Variants in EIF3B observed in about 807,000 individuals in gnomAD.
EIF3B encodes eukaryotic translation initiation factor 3 subunit 9.
A neutral mutation model predicts 104.6 loss-of-function variants in EIF3B; 10 were observed. The observed-to-expected ratio is 0.10, with a 90% confidence interval of 0.06 to 0.16. EIF3B has a LOEUF of 0.16. Ranked by LOEUF, EIF3B falls within the 10% of genes least tolerant of loss-of-function variation. The pLI, the probability that EIF3B is intolerant of heterozygous loss-of-function variation, is 1.00. For synonymous variants in EIF3B, 542 were observed against 417.2 expected (o/e 1.30, Z -3.65); for missense variants, 1,014 against 1,087.9 (o/e 0.93, Z 0.96).
chr7:2,356,493 C>T (rs547339575), intron 1 of EIF3B, among the ~76,000 whole-genome samples: 6 of 151,644 alleles, frequency 4.0e-5, no homozygotes, highest in African/African-American at 1.5e-4. Context: ...TTCCCAGCTA[C>T]TCTGGAGGCT....
intron 15 of EIF3B, 128 bp downstream of exon 15, chr7:2,377,203 T>C (rs1780683153): frequency 1.6e-6 from 2 of 1,268,674 alleles, no homozygotes; most frequent in Non-Finnish European, 2.1e-6. Context: ...GCAAGGATTC[T>C]TTGAAGAGAC....
intron 11 of EIF3B, chr7:2,372,168 T>A: frequency 3.0e-6 from 1 of 338,144 alleles, no homozygotes; most frequent in East Asian, 5.6e-5. Flanking sequence ...ATTGCGCCCC[T>A]GCACTCCAGC....
At chr7:2,362,878 C>G in intron 3 of EIF3B, 114 bp downstream of exon 3, 1 of 1,520,462 alleles carries the variant, frequency 6.6e-7, no homozygotes, top group South Asian at 1.2e-5. Context: ...CACATCCTTT[C>G]TGGTCAGGCT....
intron 10 of EIF3B, 28 bp from the exon 11 acceptor site, chr7:2,371,749 T>A: frequency 1.3e-6 from 2 of 1,549,192 alleles, no homozygotes; most frequent in Non-Finnish European, 1.8e-6. Flanking sequence ...GTCCAGAATG[T>A]CACCCCTTCC....
intron 15 of EIF3B, among the ~76,000 whole-genome samples, chr7:2,377,449 C>T (rs1780695349): frequency 6.6e-6 from 1 of 152,134 alleles, no homozygotes; most frequent in Non-Finnish European, 1.5e-5. Flanking sequence ...GGGAGAAAGT[C>T]CGTCTCAAAG....
At chr7:2,376,664 G>C in intron 14 of EIF3B, 1 of 385,398 alleles carries the variant, frequency 2.6e-6, no homozygotes, top group Non-Finnish European at 4.7e-6. Flanking sequence ...TAGTGAGGCA[G>C]TTAGCTTACA....
At chr7:2,375,183 G>A in intron 13 of EIF3B, 1 of 552,386 alleles carries the variant, frequency 1.8e-6, no homozygotes. Flanking sequence ...ATAATATGAT[G>A]GCAGTCATAT....
At chr7:2,380,168 T>C in intron 18 of EIF3B, 36 bp from the exon 19 acceptor site, 2 of 338,740 alleles carry the variant, frequency 5.9e-6, no homozygotes, top group South Asian at 4.4e-5. Flanking sequence ...CCTTTTGAGG[T>C]GGTGCCGTTT....
At chr7:2,376,588 C>G in intron 14 of EIF3B, 2 of 218,024 alleles carry the variant, frequency 9.2e-6, no homozygotes, top group South Asian at 1.5e-4. Context: ...TAGTGCTATG[C>G]AGTTAGCTTA....
chr7:2,373,232 T>A (rs376757563), intron 12 of EIF3B: 1 of 154,040 alleles, frequency 6.5e-6, no homozygotes, highest in South Asian at 2.0e-4. Flanking sequence ...GGTGCCACAC[T>A]GCACCCACCT....
At chr7:2,377,715 G>T (rs966445789) in intron 15 of EIF3B, 114 of 98,736 alleles carry the variant, frequency 1.2e-3, no homozygotes, top group Non-Finnish European at 1.8e-3. Flanking sequence ...GAATGACCCT[G>T]GGTGTCATGG....
chr7:2,364,495 G>A lies in EIF3B; in HGVS notation c.1123G>A (p.Gly375Arg), dbSNP rs1255777026. 10 of 1,613,026 alleles carry A rather than the reference G, an allele frequency of 6.2e-6. No individual in the cohort carries two copies. The Admixed American group carries it at 6.7e-5, about 11-fold the overall frequency. ...FKQIQRFSHQ[G>R]VQLIDFSPCE... ...GCAAATTCAGAGATTCAGCCACCAA[G>A]GGGTTCAGCTTATTGACTTCTCACC... The change falls in exon 6 of 19, where the codon GGG becomes AGG. Residue 375 changes from glycine to arginine, a missense_variant. Physicochemically the swap from Gly to Arg is moderately radical, Grantham distance 125 (BLOSUM62 -2). Coordinates refer to ENST00000360876, the MANE Select transcript of EIF3B (RefSeq NM_001037283.2).
At chr7:2,376,748 G>A (rs1485623220) in intron 14 of EIF3B, 11 of 638,822 alleles carry the variant, frequency 1.7e-5, no homozygotes, top group Admixed American at 1.0e-4. Context: ...CAGCTGCTCC[G>A]TGCCCCGCAC....
Position 2,355,429 on chromosome 7 carries a change from G to A in EIF3B, c.499+9G>A, listed in dbSNP as rs1455123506. The A allele has an allele frequency of 4.9e-6, 7 of 1,434,122 alleles. No homozygotes were observed. Among genetic ancestry groups the A allele is most frequent in the South Asian group, 1.4e-5 (1 of 71,550 alleles). The allele number at this position is 1,434,122 out of a possible 1,614,324, so 88.8% of individuals were successfully genotyped here. On this transcript the variant is annotated intron_variant, in intron 1 of 18. Transcript: ENST00000360876. ...CGACGTGAGCGAGGAAGGTGAGGGCGCCCGGGGCGGGGCTGGCGAGCGGCG... is the reference window on the plus strand; with the variant it reads ...CGACGTGAGCGAGGAAGGTGAGGGCACCCGGGGCGGGGCTGGCGAGCGGCG...
chr7:2,360,580 T>G (rs1271950770), intron 1 of EIF3B, 130 bp from the exon 2 acceptor site: 5 of 710,034 alleles, frequency 7.0e-6, no homozygotes, highest in Non-Finnish European at 1.1e-5. Flanking sequence ...GGGTTAGGAT[T>G]TCTTTTGCTC....
chr7:2,364,591 G>A, intron 6 of EIF3B, 62 bp downstream of exon 6: 2 of 1,448,714 alleles, frequency 1.4e-6, no homozygotes, highest in Non-Finnish European at 1.9e-6. Context: ...CCTTCTACAG[G>A]TGATCTTTCA....
At chr7:2,374,648 G>C in intron 13 of EIF3B, 42 bp downstream of exon 13, 1 of 1,582,112 alleles carries the variant, frequency 6.3e-7, no homozygotes, top group Non-Finnish European at 8.7e-7. Flanking sequence ...TGTGAGTAGC[G>C]CTCTGCTGTG....
chr7:2,370,836 G>A (rs1198619118), intron 10 of EIF3B, among the ~76,000 whole-genome samples: 1 of 152,212 alleles, frequency 6.6e-6, no homozygotes, highest in African/African-American at 2.4e-5. Context: ...AGCACTTTGG[G>A]AGGCTGAGGC....
At chr7:2,356,202 A>C (rs1779421403) in intron 1 of EIF3B, among the ~76,000 whole-genome samples, 1 of 152,214 alleles carries the variant, frequency 6.6e-6, no homozygotes, top group South Asian at 2.1e-4. Flanking sequence ...AGATTGGCTA[A>C]GTTGATACTA....
Sources: allele counts gnomAD v4.1 joint callset (sites outside exome capture counted in the v4.1 genomes callset), GRCh38; gene constraint gnomAD v4.1.1; transcripts MANE v1.5; gene names NCBI Gene and HGNC (gene_info 2026-07-23, HGNC 2026-07-21).